The following SNX3 variants were observed in gnomAD, a reference collection of about 807,000 sequenced individuals.
SNX3 encodes sorting nexin-3.
A neutral mutation model predicts 17.7 loss-of-function variants in SNX3; 5 were observed. That is an observed-to-expected ratio of 0.28 (90% CI 0.15 to 0.59). The LOEUF is 0.59. SNX3 is among the 20% of genes least tolerant of loss of function. The pLI is 0.88. For missense variants in SNX3, 132 were observed against 206.8 expected, an observed-to-expected ratio of 0.64 and a Z score of 2.22; for synonymous variants, 91 against 76.5, an observed-to-expected ratio of 1.19 and a Z score of -0.99.
intron 1 of SNX3, among the ~76,000 whole-genome samples, chr6:108,258,875 G>A (rs1192367122): frequency 6.6e-6 from 1 of 151,818 alleles, no homozygotes; most frequent in African/African-American, 2.4e-5. Context: ...AAAAAAAAGA[G>A]GATTAAATTA....
intron 1 of SNX3, among the ~76,000 whole-genome samples, chr6:108,235,714 G>C (rs952494760): frequency 6.6e-6 from 1 of 152,042 alleles, no homozygotes; most frequent in Non-Finnish European, 1.5e-5. Context: ...TGCCCAATAT[G>C]GTAAAACCTC....
rs534982980 is a variant in SNX3, at chr6:108,255,055, A to G, written c.162+5705T>C. The stretch of plus-strand genomic sequence containing the variant: ...AGATAGAGCACAGTGCTTTGCACAT[A>G]AAAGATACTCAAATGATACATCCCT... On this transcript the variant is annotated intron_variant, in intron 1 of 3. Transcript: ENST00000230085. Among the ~76,000 whole-genome samples, 568 of 152,354 alleles carry G rather than the reference A, an allele frequency of 3.7e-3. 3 individuals carry two copies. Among genetic ancestry groups the G allele is most frequent in the African/African-American group, 0.013 (542 of 41,584 alleles).
chr6:108,252,027 T>A (rs1360309235), intron 1 of SNX3, among the ~76,000 whole-genome samples: 4 of 150,296 alleles, frequency 2.7e-5, no homozygotes, highest in African/African-American at 7.4e-5. Context: ...ACTGCACTAT[T>A]GCACTCCAGC....
intron 1 of SNX3, among the ~76,000 whole-genome samples, chr6:108,239,893 A>G (rs1407465352): frequency 1.3e-5 from 2 of 152,206 alleles, no homozygotes; most frequent in Admixed American, 1.3e-4. Context: ...CACTGCATAA[A>G]AAGTGTTTCT....
In SNX3 at chr6:108,221,531, A is replaced by AC. The variant is rs1401847427; in HGVS notation, c.258+1418dup. Among the ~76,000 whole-genome samples, 16 of 78,502 alleles carry AC rather than the reference A, an allele frequency of 2.0e-4. No homozygotes were observed. The East Asian group carries it at 9.0e-3, about 44-fold the overall frequency. The allele number at this position is 78,502 out of a possible 152,430, so 51.5% of individuals were successfully genotyped here. The stretch of plus-strand genomic sequence containing the variant: ...AGTATTACAAGGAATACAGTATTAC[A>AC]CTTTTTTTTTTTTTTTTTTTTTTTT... On this transcript the variant is annotated intron_variant, in intron 2 of 3. Coordinates refer to ENST00000230085, the MANE Select transcript of SNX3 (RefSeq NM_003795.6).
At chr6:108,221,240 G>A (rs1774760556) in intron 2 of SNX3, among the ~76,000 whole-genome samples, 1 of 151,586 alleles carries the variant, frequency 6.6e-6, no homozygotes, top group Admixed American at 6.6e-5. Flanking sequence ...TGGCTCCCCT[G>A]GCACTTCCTA....
At chr6:108,223,082 T>C (rs1774853778) in intron 1 of SNX3, 37 bp from the exon 2 acceptor site, 4 of 1,145,102 alleles carry the variant, frequency 3.5e-6, no homozygotes, top group African/African-American at 1.5e-5. Flanking sequence ...TTGAAGCACA[T>C]TAAGGAAACT....
At chr6:108,220,032 C>A (rs2114711215) in intron 2 of SNX3, among the ~76,000 whole-genome samples, 1 of 152,066 alleles carries the variant, frequency 6.6e-6, no homozygotes, top group East Asian at 1.9e-4. Flanking sequence ...TAGAGAAAAG[C>A]TTATAGAATA....
chr6:108,249,844 A>G (rs1275311970), intron 1 of SNX3, among the ~76,000 whole-genome samples: 1 of 152,206 alleles, frequency 6.6e-6, no homozygotes, highest in Non-Finnish European at 1.5e-5. Context: ...GCAGTGTTAT[A>G]TTTAATGACT....
At chr6:108,222,106 A>G (rs997428314) in intron 2 of SNX3, 2 of 835,466 alleles carry the variant, frequency 2.4e-6, no homozygotes, top group African/African-American at 3.6e-5. Context: ...TTGTGCTCAT[A>G]TGCAGCCACT....
At chr6:108,260,564 C>T (rs1776159634) in intron 1 of SNX3, among the ~76,000 whole-genome samples, 196 bp downstream of exon 1, 1 of 152,164 alleles carries the variant, frequency 6.6e-6, no homozygotes, top group Non-Finnish European at 1.5e-5. Flanking sequence ...AGTGCCAGCG[C>T]GCCGGGCTCG....
intron 1 of SNX3, 106 bp from the exon 2 acceptor site, chr6:108,223,151 T>C: frequency 1.5e-6 from 1 of 649,576 alleles, no homozygotes. Flanking sequence ...TTCTTTTTCT[T>C]TTTTTGAGAC....
chr6:108,217,528 G>C (rs1774625197), intron 2 of SNX3, among the ~76,000 whole-genome samples: 1 of 152,120 alleles, frequency 6.6e-6, no homozygotes, highest in Admixed American at 6.6e-5. Flanking sequence ...GCCAAGGTGG[G>C]TGGATCACCT....
chr6:108,227,954 G>A (rs1775025158), intron 1 of SNX3, among the ~76,000 whole-genome samples: 1 of 151,730 alleles, frequency 6.6e-6, no homozygotes, highest in African/African-American at 2.4e-5. Context: ...AGCTTCAGGA[G>A]GACTAAACTA....
chr6:108,239,833 T>A (rs1217302038), intron 1 of SNX3, among the ~76,000 whole-genome samples: 1 of 152,218 alleles, frequency 6.6e-6, no homozygotes, highest in Non-Finnish European at 1.5e-5. Context: ...AACTACTATG[T>A]TCAAGGGGCC....
rs757982871 is a variant in SNX3, at chr6:108,212,190, T to C, written c.448A>G (p.Ile150Val). ...TTAGATGGAGTATAGCTTTTATCTA[T>C]TATTTCATCTTGTAAAAACATGTGA... ...CLHMFLQDEI[I>V]DKSYTPSKIR... Residue 150 changes from isoleucine to valine, a missense_variant, in exon 4 of 4, where the codon ATA becomes GTA. Physicochemically the swap from Ile to Val is conservative, Grantham distance 29 (BLOSUM62 3). Around this residue, in one of 2 missense-constraint regions of SNX3, gnomAD observed 54 missense variants for 118.0 expected, o/e 0.46. Coordinates refer to ENST00000230085, the MANE Select transcript of SNX3 (RefSeq NM_003795.6). 6.2e-7 allele frequency: 1 copy of C among 1,610,670 alleles called. No individual in the cohort carries two copies. The highest frequency in any genetic ancestry group is 8.5e-7 in the Non-Finnish European group (1 of 1,178,720).
chr6:108,259,755 C>T (rs534370132), intron 1 of SNX3, among the ~76,000 whole-genome samples: 4 of 152,170 alleles, frequency 2.6e-5, no homozygotes, highest in African/African-American at 9.6e-5. Flanking sequence ...GTGTTTTTCA[C>T]GACACAAAGT....
At chr6:108,246,460 G>A (rs1235266835) in intron 1 of SNX3, among the ~76,000 whole-genome samples, 2 of 150,482 alleles carry the variant, frequency 1.3e-5, no homozygotes, top group African/African-American at 4.9e-5. Context: ...GACTAGCTGG[G>A]ATTACAGGCA....
intron 1 of SNX3, among the ~76,000 whole-genome samples, chr6:108,240,219 T>G (rs2114744353): frequency 6.6e-6 from 1 of 152,184 alleles, no homozygotes; most frequent in South Asian, 2.1e-4. Context: ...TGTGGGTTTG[T>G]TTTTGTTTTT....
Sources: allele counts gnomAD v4.1 joint callset (sites outside exome capture counted in the v4.1 genomes callset), GRCh38; gene constraint gnomAD v4.1.1; regional missense constraint gnomAD v4.1.1; transcripts MANE v1.5; gene names NCBI Gene and HGNC (gene_info 2026-07-23, HGNC 2026-07-21).